Variants in SUMF1 observed in about 807,000 individuals in gnomAD.
SUMF1 encodes the protein sulfatase modifying factor 1.
In SUMF1, 48 loss-of-function variants were observed where a neutral mutation model predicts 47.6. The ratio of observed to expected loss-of-function variants is 1.01; its 90% CI spans 0.80 to 1.28. The LOEUF (loss-of-function observed/expected upper bound fraction) is 1.28, where lower values mean the gene tolerates loss of function less well. Ranked by LOEUF, SUMF1 falls within the 50% of genes most tolerant of loss-of-function variation. The pLI is 0.00. For missense variants in SUMF1, 571 were observed against 485.4 expected, an observed-to-expected ratio of 1.18 and a Z score of -1.66; for synonymous variants, 230 against 192.1, an observed-to-expected ratio of 1.20 and a Z score of -1.63.
intron 8 of SUMF1, among the ~76,000 whole-genome samples, chr3:4,258,240 A>G (rs1394560256): frequency 6.7e-6 from 1 of 149,422 alleles, no homozygotes; most frequent in African/African-American, 2.6e-5. Context: ...AGCAATGGCA[A>G]CAAAAGACAA....
At chr3:4,366,014 T>C (rs1277332904) in intron 8 of SUMF1, among the ~76,000 whole-genome samples, 1 of 151,850 alleles carries the variant, frequency 6.6e-6, no homozygotes, top group African/African-American at 2.4e-5. Flanking sequence ...GGGTTGAAAA[T>C]TCTTTTCTTT....
At chr3:4,105,593 T>C (rs1308629165) in intron 8 of SUMF1, among the ~76,000 whole-genome samples, 1 of 151,966 alleles carries the variant, frequency 6.6e-6, no homozygotes, top group South Asian at 2.1e-4. Flanking sequence ...ATCTGGAAAA[T>C]GATAATACTG....
At chr3:4,133,921 T>G (rs950906606) in intron 8 of SUMF1, among the ~76,000 whole-genome samples, 1 of 152,014 alleles carries the variant, frequency 6.6e-6, no homozygotes, top group African/African-American at 2.4e-5. Flanking sequence ...AAAATTGGGA[T>G]GGGAACACAC....
chr3:4,299,507 A>G (rs1697921331), intron 8 of SUMF1, among the ~76,000 whole-genome samples: 1 of 152,214 alleles, frequency 6.6e-6, no homozygotes, highest in African/African-American at 2.4e-5. Flanking sequence ...TATACATATC[A>G]AATGTTTAAA....
intron 8 of SUMF1, among the ~76,000 whole-genome samples, chr3:4,294,056 T>C (rs886336404): frequency 3.3e-5 from 5 of 152,184 alleles, no homozygotes; most frequent in African/African-American, 1.2e-4. Flanking sequence ...AAATACCTAA[T>C]CTATTGGAAT....
intron 8 of SUMF1, among the ~76,000 whole-genome samples, chr3:4,153,358 A>G (rs1387358389): frequency 6.6e-6 from 1 of 151,392 alleles, no homozygotes; most frequent in East Asian, 1.9e-4. Context: ...CTACAGGCAC[A>G]TGCCACTATG....
Position 4,159,523 on chromosome 3 carries a change from GT to G in SUMF1, c.1015-90779del, listed in dbSNP as rs200112225. ...CTGTACTATGTCTCAAAAAGTTGTA[GT>G]TTTTTTTTGATCAGTTCATCTTTTC... On this transcript the variant is annotated intron_variant and NMD_transcript_variant, in intron 8 of 12. Coordinates refer to the SUMF1 transcript ENST00000448413. 6.1e-3 allele frequency among the ~76,000 whole-genome samples: 917 copies of G among 150,676 alleles called. 11 individuals carry two copies. The highest frequency in any genetic ancestry group is 0.02 in the South Asian group (94 of 4,752).
chr3:4,222,442 C>T (rs1195027343), intron 8 of SUMF1, among the ~76,000 whole-genome samples: 1 of 152,012 alleles, frequency 6.6e-6, no homozygotes, highest in Non-Finnish European at 1.5e-5. Flanking sequence ...CTTTCACTCA[C>T]ACAACCATTT....
At chr3:4,160,504 TTTATTC>T (rs548583947) in intron 8 of SUMF1, among the ~76,000 whole-genome samples, 72 of 152,192 alleles carry the variant, frequency 4.7e-4, no homozygotes, top group Non-Finnish European at 3.7e-4. Flanking sequence ...TCCATTCTCT[TTTATTC>T]TTATTTCTTG....
At chr3:4,357,451 T>C (rs74901281), downstream of SUMF1, among the ~76,000 whole-genome samples, 1 of 151,940 alleles carries the variant, frequency 6.6e-6, no homozygotes, top group African/African-American at 2.4e-5. Flanking sequence ...TGGATTCTCA[T>C]GGATGAAATT....
chr3:4,102,497 A>C (rs1244522569), intron 8 of SUMF1, among the ~76,000 whole-genome samples: 1 of 152,086 alleles, frequency 6.6e-6, no homozygotes, highest in Non-Finnish European at 1.5e-5. Flanking sequence ...GTCAGTAGTG[A>C]GGGTAAACTC....
At chr3:4,109,002 G>T (rs1013011623) in intron 8 of SUMF1, among the ~76,000 whole-genome samples, 5 of 152,066 alleles carry the variant, frequency 3.3e-5, no homozygotes, top group Non-Finnish European at 7.4e-5. Context: ...ATTAGTTGAT[G>T]CAGTTTCTTC....
At chr3:4,294,631 C>T (rs1697808931) in intron 8 of SUMF1, among the ~76,000 whole-genome samples, 1 of 152,126 alleles carries the variant, frequency 6.6e-6, no homozygotes, top group Admixed American at 6.6e-5. Flanking sequence ...GTGTGTCTGA[C>T]ATTTTTTTCC....
chr3:4,139,004 T>C (rs899846423), intron 8 of SUMF1, among the ~76,000 whole-genome samples: 6 of 152,110 alleles, frequency 3.9e-5, no homozygotes, highest in African/African-American at 1.4e-4. Flanking sequence ...TGTTGGTACC[T>C]TGAAATCAAC....
chr3:4,384,015 T>G (rs1340552116), intron 7 of SUMF1, among the ~76,000 whole-genome samples: 2 of 152,192 alleles, frequency 1.3e-5, no homozygotes, highest in East Asian at 3.8e-4. Context: ...CATTATTGCT[T>G]TAAACAATCT....
chr3:4,175,641 A>C (rs1694942361), intron 8 of SUMF1, among the ~76,000 whole-genome samples: 1 of 152,176 alleles, frequency 6.6e-6, no homozygotes, highest in South Asian at 2.1e-4. Context: ...TCTCCAAAGA[A>C]TCGCAGCTCC....
intron 2 of SUMF1, 109 bp from the exon 3 acceptor site, chr3:4,449,449 T>C: frequency 8.8e-7 from 1 of 1,138,744 alleles, no homozygotes; most frequent in Middle Eastern, 2.1e-4. Flanking sequence ...CCAATTGAAC[T>C]TGAGTCTTTC....
intron 9 of SUMF1, among the ~76,000 whole-genome samples, chr3:4,055,351 T>C (rs1695173342): frequency 6.6e-6 from 1 of 152,216 alleles, no homozygotes; most frequent in Non-Finnish European, 1.5e-5. Flanking sequence ...TATTAATATA[T>C]TGACTCTTTA....
chr3:4,253,047 T>C (rs1268464720), intron 8 of SUMF1, among the ~76,000 whole-genome samples: 2 of 152,232 alleles, frequency 1.3e-5, no homozygotes, highest in Non-Finnish European at 2.9e-5. Context: ...ATAAGAGTTT[T>C]AAATTTTTTA....
Sources: gnomAD v4.1 joint callset for allele counts (sites outside exome capture counted in the v4.1 genomes callset) on GRCh38, gnomAD v4.1.1 for gene constraint, MANE v1.5 for transcripts, NCBI Gene and HGNC (gene_info 2026-07-23, HGNC 2026-07-21) for gene names.